The following ITPK1 variants were observed in gnomAD, a reference collection of about 807,000 sequenced individuals.
ITPK1 encodes inositol 1,3,4-trisphosphate 5/6-kinase.
ITPK1 carries 21 observed loss-of-function variants against 45.3 expected under a neutral mutation model. The observed-to-expected ratio is 0.46, with a 90% CI of 0.33 to 0.67. The LOEUF (loss-of-function observed/expected upper bound fraction) is 0.67. Among genes scored for constraint, ITPK1 ranks in the 30% least tolerant of loss-of-function variants. The probability of loss-of-function intolerance (pLI) is 0.02; values close to 1 mark genes in which losing one functional copy is unlikely to be tolerated. For synonymous variants in ITPK1, 258 were observed against 253.6 expected (o/e 1.02, Z -0.16); for missense variants, 474 against 573.5 (o/e 0.83, Z 1.77).
rs1317146773 is a variant in ITPK1 at position 92,946,488 on chromosome 14, G to T, written c.744C>A (p.Asp248Glu). 1.2e-6 allele frequency: 2 copies of T among 1,612,474 alleles called. No homozygotes were observed. Among genetic ancestry groups the T allele is most frequent in the African/African-American group, 2.7e-5 (2 of 75,056 alleles). Residue 248 changes from aspartate to glutamate, a missense_variant, in exon 10 of 11, where the codon GAC becomes GAA. Around this residue, in one of 2 missense-constraint regions of ITPK1, gnomAD observed 367 missense variants for 480.6 expected, o/e 0.76. Coordinates refer to ENST00000267615, the MANE Select transcript of ITPK1 (RefSeq NM_014216.6). ...GCCGCTCGAACACGCCCTCGATCTT[G>T]TCCAGCTGCCAACATACACAAGGAA... Reference protein sequence around the residue: ...PESSSVLTELDKIEGVFERPS... With the variant: ...PESSSVLTELEKIEGVFERPS...
intron 2 of ITPK1, among the ~76,000 whole-genome samples, chr14:93,081,133 G>A (rs375564592): frequency 2.7e-5 from 4 of 150,228 alleles, no homozygotes; most frequent in Admixed American, 1.3e-4. Context: ...TCAGGAGTTC[G>A]AGACCAGCCT....
At chr14:92,996,775 A>C (rs1423946976) in intron 4 of ITPK1, among the ~76,000 whole-genome samples, 7 of 151,998 alleles carry the variant, frequency 4.6e-5, no homozygotes, top group Admixed American at 2.0e-4. Flanking sequence ...CCTTCCCCTA[A>C]ACACACCAGG....
At chr14:92,961,557 C>T (rs972162198) in intron 7 of ITPK1, among the ~76,000 whole-genome samples, 1 of 152,242 alleles carries the variant, frequency 6.6e-6, no homozygotes, top group African/African-American at 2.4e-5. Flanking sequence ...ATGGCAGACC[C>T]CTGTGGCAGT....
intron 5 of ITPK1, among the ~76,000 whole-genome samples, chr14:92,968,198 C>A (rs2139755193): frequency 6.6e-6 from 1 of 152,108 alleles, no homozygotes; most frequent in South Asian, 2.1e-4. Context: ...GGTGTGGTGG[C>A]ACATGTCTGT....
chr14:92,968,527 G>C (rs1477129099), intron 5 of ITPK1, among the ~76,000 whole-genome samples: 3 of 152,226 alleles, frequency 2.0e-5, no homozygotes, highest in Admixed American at 2.0e-4. Context: ...TCCCCACTGG[G>C]TCTGAGGTGA....
intron 8 of ITPK1, among the ~76,000 whole-genome samples, chr14:92,952,792 C>A (rs1888019055): frequency 6.6e-6 from 1 of 152,232 alleles, no homozygotes; most frequent in Non-Finnish European, 1.5e-5. Flanking sequence ...GGGGAGTAAG[C>A]CAAAGTCACT....
intron 8 of ITPK1, among the ~76,000 whole-genome samples, chr14:92,955,927 T>C (rs1884697782): frequency 6.6e-6 from 1 of 152,182 alleles, no homozygotes; most frequent in Admixed American, 6.5e-5. Context: ...TTACACTTCT[T>C]ATCCAGAAAG....
rs537562830 is a variant in ITPK1, at chr14:93,087,438, C to T, written c.96-10819G>A. Reference sequence around the variant, plus strand: ...CTAAGGCGAGAGGATCACTTGAGGCCGTGAGTTTGATGCTGCAGTGCGTTA... The same window carrying T: ...CTAAGGCGAGAGGATCACTTGAGGCTGTGAGTTTGATGCTGCAGTGCGTTA... On this transcript the variant is annotated intron_variant, in intron 2 of 10. Coordinates refer to ENST00000267615, the MANE Select transcript of ITPK1 (RefSeq NM_014216.6). 4.8e-4 allele frequency among the ~76,000 whole-genome samples: 73 copies of T among 152,342 alleles called. 1 individual carries two copies. The South Asian group carries it at 7.9e-3, about 16-fold the overall frequency.
intron 8 of ITPK1, among the ~76,000 whole-genome samples, chr14:92,953,253 C>T (rs1248855514): frequency 2.0e-5 from 3 of 152,276 alleles, no homozygotes; most frequent in Non-Finnish European, 4.4e-5. Flanking sequence ...ACCCGGCGTC[C>T]CTCCCGCTAG....
intron 5 of ITPK1, among the ~76,000 whole-genome samples, chr14:92,969,308 C>T (rs946495694): frequency 6.6e-6 from 1 of 150,788 alleles, no homozygotes; most frequent in African/African-American, 2.4e-5. Context: ...GGCAGGGAAA[C>T]ATTAACCACA....
At chr14:93,080,781 G>A (rs1891404590) in intron 2 of ITPK1, among the ~76,000 whole-genome samples, 1 of 151,924 alleles carries the variant, frequency 6.6e-6, no homozygotes, top group African/African-American at 2.4e-5. Flanking sequence ...CTATCGCCCA[G>A]GCTGGAGTAC....
intron 4 of ITPK1, among the ~76,000 whole-genome samples, chr14:93,006,225 G>A (rs1887607272): frequency 6.6e-6 from 1 of 152,250 alleles, no homozygotes; most frequent in Non-Finnish European, 1.5e-5. Context: ...GGTGTCCCAG[G>A]CCCAACAAGG....
intron 3 of ITPK1, among the ~76,000 whole-genome samples, chr14:93,047,367 C>G (rs918647502): frequency 6.6e-6 from 1 of 152,232 alleles, no homozygotes; most frequent in African/African-American, 2.4e-5. Flanking sequence ...GAAGTCCTAA[C>G]CTCTGGTACC....
chr14:93,059,135 G>C lies in ITPK1; in HGVS notation c.120+17460C>G, dbSNP rs1236123428. ...GGAGGGGGTGCAGGTCACAAGGCAA[G>C]GGTGGAGGGGGTGTGGGTCACGAGG... On this transcript the variant is annotated intron_variant, in intron 3 of 10. Coordinates refer to ENST00000267615, the MANE Select transcript of ITPK1 (RefSeq NM_014216.6). Among the ~76,000 whole-genome samples, 17 of 32,088 alleles carry C rather than the reference G, an allele frequency of 5.3e-4. 1 individual carries two copies. Among genetic ancestry groups the C allele is most frequent in the African/African-American group, 2.7e-3 (16 of 5,970 alleles). 21.1% of individuals were successfully genotyped at this position (32,088 alleles called of 152,430 possible).
At chr14:93,050,353 C>G (rs990548150) in intron 3 of ITPK1, among the ~76,000 whole-genome samples, 6 of 152,104 alleles carry the variant, frequency 3.9e-5, no homozygotes, top group Admixed American at 3.3e-4. Context: ...TGGCTGCAAG[C>G]CCCCGAATAT....
intron 7 of ITPK1, among the ~76,000 whole-genome samples, 165 bp downstream of exon 7, chr14:92,962,190 G>A (rs1302855392): frequency 6.6e-6 from 1 of 152,170 alleles, no homozygotes; most frequent in Non-Finnish European, 1.5e-5. Flanking sequence ...ACTCCCGCTC[G>A]ATTCCTCTGG....
intron 5 of ITPK1, among the ~76,000 whole-genome samples, chr14:92,983,665 C>T (rs1210962884): frequency 6.6e-6 from 1 of 152,162 alleles, no homozygotes; most frequent in African/African-American, 2.4e-5. Context: ...AGACTGGCAC[C>T]ATCAGGAGTG....
At chr14:92,984,146 T>C (rs1365452954) in intron 5 of ITPK1, among the ~76,000 whole-genome samples, 1 of 152,190 alleles carries the variant, frequency 6.6e-6, no homozygotes, top group Non-Finnish European at 1.5e-5. Flanking sequence ...AGTTCCAAAC[T>C]ATGAACAGTG....
At chr14:93,064,577 G>A (rs1890670341) in intron 3 of ITPK1, among the ~76,000 whole-genome samples, 1 of 152,154 alleles carries the variant, frequency 6.6e-6, no homozygotes, top group South Asian at 2.1e-4. Flanking sequence ...TGAGCCCCAT[G>A]CACCACCGCC....
Sources: allele counts gnomAD v4.1 joint callset (sites outside exome capture counted in the v4.1 genomes callset), GRCh38; gene constraint gnomAD v4.1.1; regional missense constraint gnomAD v4.1.1; transcripts MANE v1.5; gene names NCBI Gene and HGNC (gene_info 2026-07-23, HGNC 2026-07-21).